Variants in SUGCT observed in about 807,000 individuals in gnomAD.
The protein encoded by SUGCT is succinyl-CoA:glutarate-CoA transferase, also known as succinyl-CoA:glutarate CoA-transferase.
In SUGCT, 41 loss-of-function variants were observed where a neutral mutation model predicts 55.0. The ratio of observed to expected loss-of-function variants is 0.74; its 90% CI spans 0.58 to 0.97. The LOEUF (loss-of-function observed/expected upper bound fraction) is 0.97. Among genes scored for constraint, SUGCT ranks in the 50% least tolerant of loss-of-function variants. The pLI, the probability that SUGCT is intolerant of heterozygous loss-of-function variation, is 0.00. For missense variants in SUGCT, 568 were observed against 547.8 expected (o/e 1.04, Z -0.37); for synonymous variants, 187 against 200.4 (o/e 0.93, Z 0.56).
the SUGCT span, among the ~76,000 whole-genome samples, chr7:40,904,967 G>A: frequency 2.8e-3 from 425 of 152,152 alleles, 3 homozygotes; most frequent in African/African-American, 7.4e-3. Flanking sequence ...AACAAGTGGC[G>A]GATGGCATTT....
At chr7:40,475,190 G>T (rs1562802917) in intron 11 of SUGCT, among the ~76,000 whole-genome samples, 1 of 152,076 alleles carries the variant, frequency 6.6e-6, no homozygotes, top group Admixed American at 6.5e-5. Context: ...AATCATCCTT[G>T]TTTAAACCAA....
intron 10 of SUGCT, among the ~76,000 whole-genome samples, chr7:40,458,470 A>G (rs911814443): frequency 6.6e-6 from 1 of 152,240 alleles, no homozygotes; most frequent in African/African-American, 2.4e-5. Context: ...TCAGGGAGAT[A>G]TATTCATAAA....
At chr7:40,533,894 A>G (rs118169453) in intron 12 of SUGCT, among the ~76,000 whole-genome samples, 1 of 152,290 alleles carries the variant, frequency 6.6e-6, no homozygotes, top group East Asian at 1.9e-4. Context: ...CAGTCTTTTT[A>G]CAGATGTACA....
chr7:40,917,474 A>G, the SUGCT span, among the ~76,000 whole-genome samples: 1 of 152,138 alleles, frequency 6.6e-6, no homozygotes, highest in African/African-American at 2.4e-5. Flanking sequence ...GGATGTACGC[A>G]GCCACCCAGA....
intron 12 of SUGCT, among the ~76,000 whole-genome samples, chr7:40,686,873 A>C (rs1784491778): frequency 6.6e-6 from 1 of 152,092 alleles, no homozygotes; most frequent in Admixed American, 6.6e-5. Flanking sequence ...TCTATGTTCA[A>C]AACCTCTAGA....
At chr7:40,310,609 A>G (rs539449295) in intron 8 of SUGCT, among the ~76,000 whole-genome samples, 162 of 152,320 alleles carry the variant, frequency 1.1e-3, no homozygotes, top group African/African-American at 3.5e-3. Flanking sequence ...TCTCTGTACT[A>G]TCTTGGTTTT....
chr7:40,980,752 A>G, the SUGCT span, among the ~76,000 whole-genome samples: 2 of 152,150 alleles, frequency 1.3e-5, no homozygotes, highest in Non-Finnish European at 2.9e-5. Context: ...CCTGGAGTGC[A>G]GTGGTGCGAT....
intron 12 of SUGCT, among the ~76,000 whole-genome samples, chr7:40,536,711 T>C (rs553561185): frequency 2.6e-5 from 4 of 152,288 alleles, no homozygotes; most frequent in African/African-American, 9.6e-5. Flanking sequence ...TACAGACATA[T>C]CAATCACTAG....
At chr7:40,309,605 T>C (rs1795032380) in intron 8 of SUGCT, among the ~76,000 whole-genome samples, 1 of 152,116 alleles carries the variant, frequency 6.6e-6, no homozygotes, top group Non-Finnish European at 1.5e-5. Flanking sequence ...TAAATCAGCT[T>C]TTAAATAAAA....
At chr7:40,338,664 G>A (rs1015987478) in intron 9 of SUGCT, among the ~76,000 whole-genome samples, 1 of 152,072 alleles carries the variant, frequency 6.6e-6, no homozygotes, top group Non-Finnish European at 1.5e-5. Context: ...CTTTTTTCAA[G>A]GTTTTTATCT....
At chr7:40,208,163 T>C (rs1467038846) in intron 6 of SUGCT, among the ~76,000 whole-genome samples, 2 of 152,104 alleles carry the variant, frequency 1.3e-5, no homozygotes, top group African/African-American at 4.8e-5. Context: ...AGTAAAATGG[T>C]AGTTGCTAGA....
chr7:40,534,429 G>C (rs1794248861), intron 12 of SUGCT, among the ~76,000 whole-genome samples: 1 of 151,850 alleles, frequency 6.6e-6, no homozygotes, highest in Non-Finnish European at 1.5e-5. Context: ...CTGTCGCCTA[G>C]GCTTTAGTGC....
At chr7:40,943,899 GT>G in the SUGCT span, among the ~76,000 whole-genome samples, 2 of 150,652 alleles carry the variant, frequency 1.3e-5, no homozygotes, top group African/African-American at 4.9e-5. Context: ...CCCACCAACA[GT>G]GTAAAAGTGT....
At chr7:40,714,524 C>G (rs544886106) in intron 12 of SUGCT, among the ~76,000 whole-genome samples, 37 of 152,292 alleles carry the variant, frequency 2.4e-4, no homozygotes, top group Non-Finnish European at 4.0e-4. Context: ...AAGTTAACCT[C>G]AGAGCAGAGC....
At chr7:40,530,421 CT>C (rs1350528576) in intron 12 of SUGCT, among the ~76,000 whole-genome samples, 1 of 151,896 alleles carries the variant, frequency 6.6e-6, no homozygotes, top group Non-Finnish European at 1.5e-5. Context: ...CCTTCAAATA[CT>C]ACTGCTAACC....
At chr7:40,892,504 T>G in the SUGCT span, among the ~76,000 whole-genome samples, 2 of 152,196 alleles carry the variant, frequency 1.3e-5, no homozygotes, top group Non-Finnish European at 1.5e-5. Flanking sequence ...ATTAAGTTCT[T>G]ACCTTCAGTA....
At chr7:40,638,541 A>G (rs1412749804) in intron 12 of SUGCT, among the ~76,000 whole-genome samples, 1 of 152,200 alleles carries the variant, frequency 6.6e-6, no homozygotes, top group East Asian at 1.9e-4. Flanking sequence ...AGGTGTTAAA[A>G]GCTTGATTAG....
At chr7:40,231,212 C>T (rs1788703906) in intron 6 of SUGCT, among the ~76,000 whole-genome samples, 1 of 152,182 alleles carries the variant, frequency 6.6e-6, no homozygotes, top group Admixed American at 6.5e-5. Context: ...AGAGGTTTAT[C>T]TCTGTCCTAT....
chr7:40,258,862 T>C (rs1044202941), intron 7 of SUGCT, among the ~76,000 whole-genome samples: 1 of 152,134 alleles, frequency 6.6e-6, no homozygotes, highest in Non-Finnish European at 1.5e-5. Flanking sequence ...AAATCAGTAA[T>C]GTGGAAGAGA....
Sources: gnomAD v4.1 joint callset for allele counts (sites outside exome capture counted in the v4.1 genomes callset) on GRCh38, gnomAD v4.1.1 for gene constraint, MANE v1.5 for transcripts, NCBI Gene and HGNC (gene_info 2026-07-23, HGNC 2026-07-21) for gene names.